Variants in BRD10 observed in about 807,000 individuals in gnomAD.
The protein encoded by BRD10 is uncharacterized bromodomain-containing protein 10.
the BRD10 span, among the ~76,000 whole-genome samples, chr9:5,943,368 AG>A: frequency 6.6e-6 from 1 of 152,172 alleles, no homozygotes; most frequent in Non-Finnish European, 1.5e-5. Context: ...AATAAATAAA[AG>A]TTATGTTTAA....
chr9:5,922,520 G>A, the BRD10 span: 2 of 1,613,976 alleles, frequency 1.2e-6, no homozygotes, highest in Non-Finnish European at 1.7e-6. Context: ...GGTAGAAACA[G>A]TTCCTGGTGA....
the BRD10 span, chr9:6,008,233 C>T: frequency 1.0e-6 from 1 of 980,500 alleles, no homozygotes; most frequent in Non-Finnish European, 1.2e-6. Flanking sequence ...GCCGCAGCGG[C>T]GGCTCCGGCT....
the BRD10 span, chr9:5,945,055 A>T: frequency 2.0e-6 from 1 of 507,890 alleles, no homozygotes; most frequent in Non-Finnish European, 3.4e-6. Context: ...CTGAATTCAC[A>T]ATTATTTTTC....
the BRD10 span, among the ~76,000 whole-genome samples, chr9:5,889,200 C>T: frequency 6.6e-6 from 1 of 152,182 alleles, no homozygotes; most frequent in African/African-American, 2.4e-5. Flanking sequence ...TCCATGACAG[C>T]ACCTAACCAC....
the BRD10 span, among the ~76,000 whole-genome samples, chr9:5,935,763 T>C: frequency 6.6e-6 from 1 of 152,192 alleles, no homozygotes; most frequent in Admixed American, 6.5e-5. Context: ...GACAGTATCC[T>C]ACTTACTTTT....
the BRD10 span, among the ~76,000 whole-genome samples, chr9:5,918,845 A>C: frequency 1.3e-5 from 2 of 151,648 alleles, no homozygotes; most frequent in Non-Finnish European, 2.9e-5. Context: ...GCATTTTCTG[A>C]AACACAAGAT....
chr9:5,909,064 T>C, the BRD10 span: 1 of 281,200 alleles, frequency 3.6e-6, no homozygotes, highest in Non-Finnish European at 6.8e-6. Context: ...AATAACAAAC[T>C]AGTCAGGTTT....
the BRD10 span, among the ~76,000 whole-genome samples, chr9:5,897,256 T>C: frequency 1.3e-5 from 2 of 152,322 alleles, no homozygotes; most frequent in South Asian, 4.1e-4. Context: ...ATAAATACAT[T>C]GTCCACATAA....
At chr9:5,939,174 T>C in the BRD10 span, among the ~76,000 whole-genome samples, 3 of 152,162 alleles carry the variant, frequency 2.0e-5, no homozygotes, top group South Asian at 2.1e-4. Context: ...TCAGTATTCA[T>C]ATAGTGAAAG....
the BRD10 span, among the ~76,000 whole-genome samples, chr9:5,895,510 TGAA>T: frequency 1.3e-5 from 2 of 152,282 alleles, no homozygotes; most frequent in African/African-American, 4.8e-5. Flanking sequence ...GCAGGTGGAA[TGAA>T]GAAGAATGAT....
the BRD10 span, among the ~76,000 whole-genome samples, chr9:5,940,000 T>C: frequency 8.5e-5 from 13 of 152,232 alleles, no homozygotes; most frequent in African/African-American, 3.1e-4. Flanking sequence ...CTGACTTCTC[T>C]AATATTCAGT....
At chr9:5,976,117 C>T in the BRD10 span, among the ~76,000 whole-genome samples, 1 of 152,044 alleles carries the variant, frequency 6.6e-6, no homozygotes, top group Non-Finnish European at 1.5e-5. Flanking sequence ...GAGTCATGGG[C>T]TTGAAGTTCA....
At chr9:5,976,921 G>A in the BRD10 span, among the ~76,000 whole-genome samples, 1 of 152,254 alleles carries the variant, frequency 6.6e-6, no homozygotes, top group South Asian at 2.1e-4. Context: ...GAAAATGAAA[G>A]GGAAAGTTGG....
At chr9:5,999,407 AG>A in the BRD10 span, among the ~76,000 whole-genome samples, 1 of 152,154 alleles carries the variant, frequency 6.6e-6, no homozygotes, top group Non-Finnish European at 1.5e-5. Context: ...AAAGAAACAT[AG>A]TCAAACGCAA....
At chr9:5,983,855 G>A in the BRD10 span, among the ~76,000 whole-genome samples, 21 of 151,710 alleles carry the variant, frequency 1.4e-4, no homozygotes, top group Admixed American at 1.4e-3. Flanking sequence ...ACAAAGATAA[G>A]GAAGTCAGCA....
At chr9:5,978,571 C>A in the BRD10 span, among the ~76,000 whole-genome samples, 1 of 152,030 alleles carries the variant, frequency 6.6e-6, no homozygotes, top group African/African-American at 2.4e-5. Flanking sequence ...ATTTATCTGA[C>A]AACAACAGAA....
the BRD10 span, chr9:5,920,323 C>T: frequency 1.9e-6 from 3 of 1,613,856 alleles, no homozygotes; most frequent in Non-Finnish European, 2.5e-6. Context: ...TTCCGTTAAT[C>T]ATAATCTGAG....
chr9:5,902,485 G>A, the BRD10 span, among the ~76,000 whole-genome samples: 1 of 148,822 alleles, frequency 6.7e-6, no homozygotes, highest in African/African-American at 2.5e-5. Context: ...TTTTTCTAGA[G>A]ACAGGGTCTC....
chr9:5,885,984 C>G, the BRD10 span, among the ~76,000 whole-genome samples: 111 of 152,302 alleles, frequency 7.3e-4, no homozygotes, highest in East Asian at 7.3e-3. Context: ...TTGTTTTCCC[C>G]AAATCTTTTG....
Sources: gnomAD v4.1 joint callset for allele counts (sites outside exome capture counted in the v4.1 genomes callset) on GRCh38, gnomAD v4.1.1 for gene constraint, MANE v1.5 for transcripts, NCBI Gene and HGNC (gene_info 2026-07-23, HGNC 2026-07-21) for gene names.